The following SLC24A2 variants were observed in gnomAD, a reference collection of about 807,000 sequenced individuals.
SLC24A2 encodes solute carrier family 24 member 2.
Under a neutral mutation model 62.0 loss-of-function variants are expected in SLC24A2, and 36 were observed. That is an observed-to-expected ratio of 0.58 (90% CI 0.44 to 0.77). The LOEUF (loss-of-function observed/expected upper bound fraction) is 0.77, where lower values mean the gene tolerates loss of function less well. Among genes scored for constraint, SLC24A2 ranks in the 30% least tolerant of loss-of-function variants. The pLI is 0.00. For synonymous variants in SLC24A2, 358 were observed against 294.0 expected, an observed-to-expected ratio of 1.22 and a Z score of -2.23; for missense variants, 846 against 817.9, an observed-to-expected ratio of 1.03 and a Z score of -0.42.
At chr9:20,255,561 G>A in the SLC24A2 span, among the ~76,000 whole-genome samples, 3 of 152,146 alleles carry the variant, frequency 2.0e-5, no homozygotes, top group Non-Finnish European at 2.9e-5. Context: ...CACTCACATT[G>A]TCTGAGAGCT....
chr9:20,002,132 C>G, the SLC24A2 span, among the ~76,000 whole-genome samples: 1 of 152,170 alleles, frequency 6.6e-6, no homozygotes. Context: ...ACCACCACCT[C>G]TGGTGCAGAG....
At chr9:20,082,288 T>C in the SLC24A2 span, among the ~76,000 whole-genome samples, 120 of 152,370 alleles carry the variant, frequency 7.9e-4, no homozygotes, top group African/African-American at 2.8e-3. Context: ...CAATTTTGTA[T>C]GCCTGTGCAT....
the SLC24A2 span, among the ~76,000 whole-genome samples, chr9:19,830,410 G>A: frequency 6.6e-6 from 1 of 152,108 alleles, no homozygotes; most frequent in Non-Finnish European, 1.5e-5. Context: ...TAATTTGTTA[G>A]ATTCTCACCA....
the SLC24A2 span, among the ~76,000 whole-genome samples, chr9:20,046,688 G>A: frequency 8.5e-5 from 13 of 152,330 alleles, no homozygotes; most frequent in Middle Eastern, 3.4e-3. Context: ...TGCAACCTAA[G>A]AAGCAGAGAT....
the SLC24A2 span, among the ~76,000 whole-genome samples, chr9:19,836,120 A>G: frequency 2.0e-5 from 3 of 152,212 alleles, no homozygotes; most frequent in East Asian, 5.8e-4. Context: ...CACAAGAGAA[A>G]GCAGGAAAGA....
the SLC24A2 span, among the ~76,000 whole-genome samples, chr9:19,856,144 G>A: frequency 2.0e-5 from 3 of 152,122 alleles, no homozygotes; most frequent in Admixed American, 6.6e-5. Context: ...GGTCATTTAT[G>A]TTCCTCTCTA....
In SLC24A2 at chr9:19,585,659, G is replaced by A. The variant is rs576641726; in HGVS notation, c.1130-8637C>T. Among the ~76,000 whole-genome samples the A allele has an allele frequency of 1.9e-4, 29 of 152,286 alleles. 1 individual carries two copies. Among genetic ancestry groups the A allele is most frequent in the African/African-American group, 7.0e-4 (29 of 41,570 alleles). On this transcript the variant is annotated intron_variant, in intron 5 of 10. Transcript: ENST00000341998. ...TACATTTATCTCTGTAGCTATAGCT[G>A]TCTTTATCTGTTTATGACTTTTGGA...
chr9:20,078,284 C>A, the SLC24A2 span, among the ~76,000 whole-genome samples: 1 of 152,000 alleles, frequency 6.6e-6, no homozygotes, highest in Admixed American at 6.6e-5. Context: ...AAAGGACTGC[C>A]CAATTCTTCC....
the SLC24A2 span, among the ~76,000 whole-genome samples, chr9:19,883,651 C>T: frequency 6.6e-5 from 10 of 151,792 alleles, no homozygotes; most frequent in South Asian, 2.1e-4. Flanking sequence ...CTGCAAGCTC[C>T]GCCTCCTGGG....
At chr9:20,062,470 C>T in the SLC24A2 span, among the ~76,000 whole-genome samples, 1 of 113,302 alleles carries the variant, frequency 8.8e-6, no homozygotes, top group African/African-American at 3.9e-5. Flanking sequence ...TCCTTCCTTA[C>T]ACCTTATACA....
the SLC24A2 span, among the ~76,000 whole-genome samples, chr9:20,251,930 T>A: frequency 6.6e-6 from 1 of 152,220 alleles, no homozygotes; most frequent in Non-Finnish European, 1.5e-5. Context: ...TGCCTCTGTA[T>A]CCTTACTGAA....
chr9:19,691,629 A>C (rs527635849), intron 2 of SLC24A2, among the ~76,000 whole-genome samples: 93 of 152,294 alleles, frequency 6.1e-4, no homozygotes, highest in African/African-American at 2.1e-3. Context: ...ACTTTTGAGA[A>C]ATGGGTTTAT....
the SLC24A2 span, among the ~76,000 whole-genome samples, chr9:19,935,584 G>A: frequency 6.6e-6 from 1 of 152,194 alleles, no homozygotes; most frequent in Non-Finnish European, 1.5e-5. Context: ...TGCCTGATTA[G>A]CAGCCCTTGT....
chr9:19,754,981 C>G (rs745342817), intron 2 of SLC24A2, among the ~76,000 whole-genome samples: 8 of 152,126 alleles, frequency 5.3e-5, no homozygotes, highest in Non-Finnish European at 8.8e-5. Context: ...AAGATGGTTT[C>G]TATTTTCTGC....
At chr9:19,591,372 G>C in intron 5 of SLC24A2, among the ~76,000 whole-genome samples, 1 of 152,194 alleles carries the variant, frequency 6.6e-6, no homozygotes, top group Middle Eastern at 3.2e-3. Flanking sequence ...TCCCTGTTGA[G>C]AAGAGACTGC....
At chr9:19,552,024 T>TATA (rs1381118212) in intron 7 of SLC24A2, among the ~76,000 whole-genome samples, 1 of 152,176 alleles carries the variant, frequency 6.6e-6, no homozygotes, top group Non-Finnish European at 1.5e-5. Context: ...AGGGATTAGG[T>TATA]ATAATAATAA....
At chr9:20,208,544 T>C in the SLC24A2 span, among the ~76,000 whole-genome samples, 70,349 of 152,086 alleles carry the variant, frequency 0.46, 18,432 homozygotes, top group Non-Finnish European at 0.61. Context: ...GCTTTTCCCA[T>C]AGGGCACCTA....
At chr9:19,553,518 A>G (rs978769559) in intron 7 of SLC24A2, among the ~76,000 whole-genome samples, 2 of 152,216 alleles carry the variant, frequency 1.3e-5, no homozygotes, top group Admixed American at 6.5e-5. Context: ...GGGCCTTGTA[A>G]TCTTTGATAT....
At chr9:19,674,890 G>C (rs1230753766) in intron 2 of SLC24A2, among the ~76,000 whole-genome samples, 2 of 152,194 alleles carry the variant, frequency 1.3e-5, no homozygotes, top group Non-Finnish European at 2.9e-5. Flanking sequence ...TGCATCCACT[G>C]CTGGTGAGCT....
Sources: allele counts gnomAD v4.1 joint callset (sites outside exome capture counted in the v4.1 genomes callset), GRCh38; gene constraint gnomAD v4.1.1; transcripts MANE v1.5; gene names NCBI Gene and HGNC (gene_info 2026-07-23, HGNC 2026-07-21).